The following GPR155 variants were observed in gnomAD, a reference collection of about 807,000 sequenced individuals.
GPR155 encodes G protein-coupled receptor 155, also known as lysosomal cholesterol signaling protein.
GPR155 carries 65 observed loss-of-function variants against 93.1 expected under a neutral mutation model. The ratio of observed to expected loss-of-function variants is 0.70; its 90% CI spans 0.57 to 0.86. The LOEUF (loss-of-function observed/expected upper bound fraction) is 0.86. Among genes scored for constraint, GPR155 ranks in the 40% least tolerant of loss-of-function variants. The pLI is 0.00. For missense variants in GPR155, 838 were observed against 1,034.8 expected (o/e 0.81, Z 2.61); for synonymous variants, 319 against 360.1 (o/e 0.89, Z 1.29).
At chr2:174,486,277 C>T (rs554048402) in intron 1 of GPR155, among the ~76,000 whole-genome samples, 2 of 152,254 alleles carry the variant, frequency 1.3e-5, no homozygotes, top group South Asian at 4.1e-4. Flanking sequence ...CTGTGGCCCT[C>T]CAAGATAAGG....
At chr2:174,438,842 A>T (rs1048104481) in intron 15 of GPR155, among the ~76,000 whole-genome samples, 1 of 152,234 alleles carries the variant, frequency 6.6e-6, no homozygotes, top group Non-Finnish European at 1.5e-5. Context: ...AACTATTCAT[A>T]GATGGCACTT....
chr2:174,439,696 T>C (rs548826271), intron 15 of GPR155, among the ~76,000 whole-genome samples: 10 of 152,310 alleles, frequency 6.6e-5, no homozygotes, highest in African/African-American at 2.4e-4. Context: ...TTTTAAAATA[T>C]TAAAATCAAC....
chr2:174,485,092 C>T (rs777998785), intron 1 of GPR155, among the ~76,000 whole-genome samples: 2 of 151,992 alleles, frequency 1.3e-5, no homozygotes, highest in Non-Finnish European at 2.9e-5. Flanking sequence ...GATCCACCAA[C>T]TAAAAAAAGA....
At chr2:174,466,770 G>T in intron 5 of GPR155, 143 bp from the exon 6 acceptor site, 1 of 556,376 alleles carries the variant, frequency 1.8e-6, no homozygotes. Flanking sequence ...AATCTGTCTA[G>T]TTCCAAAAAG....
rs1159185104 is a variant in GPR155 at position 174,465,777 on chromosome 2, C to T, written c.1384+8G>A. On this transcript the variant is annotated splice_region_variant and intron_variant, in intron 7 of 15. Coordinates refer to ENST00000392552, the MANE Select transcript of GPR155 (RefSeq NM_152529.7). ...CAGATCTCAATTTCCATTCATAATC[C>T]AACTCACCTGTCCACAGGTAGGTGC... 2 of 1,318,622 alleles carry T rather than the reference C, an allele frequency of 1.5e-6. No homozygotes were observed. The highest frequency in any genetic ancestry group is 3.5e-5 in the Admixed American group (2 of 57,926). The allele number at this position is 1,318,622 out of a possible 1,614,324, so 81.7% of individuals were successfully genotyped here. A position where few individuals can be genotyped will look rare whatever the true frequency, so the allele number is the denominator to read the frequency against.
chr2:174,448,056 T>C lies in GPR155; in HGVS notation c.1877-1309A>G, dbSNP rs1687191897. Among the ~76,000 whole-genome samples, 4 of 152,054 alleles carry C rather than the reference T, an allele frequency of 2.6e-5. No individual in the cohort carries two copies. In the South Asian group the frequency reaches 8.3e-4, roughly 31 times the overall value. ...CCCTGCCTTTCACCATATACAAAAA[T>C]TAACTCAAGATGGACTAAGATTTAA... On this transcript the variant is annotated intron_variant, in intron 11 of 15. Transcript: ENST00000392552.
At position 174,460,152 on chromosome 2, in the gene GPR155, A is replaced by C. The variant is rs867367942; in HGVS notation, c.1561-64T>G. On this transcript the variant is annotated intron_variant, in intron 9 of 15. Transcript: ENST00000392552. ...AACTTCATCTTGATAATCTTAGGGC[A>C]CATTTTTTTTTTTTTTTTTTTTTTT... 2.5e-3 allele frequency: 2,047 copies of C among 816,136 alleles called. 41 individuals are homozygous for C. The African/African-American group carries it at 0.037, about 15-fold the overall frequency. The allele number at this position is 816,136 out of a possible 1,614,324, so 50.6% of individuals were successfully genotyped here. A position where few individuals can be genotyped will look rare whatever the true frequency, so the allele number is the denominator to read the frequency against.
intron 10 of GPR155, among the ~76,000 whole-genome samples, chr2:174,457,471 T>G (rs766201284): frequency 4.6e-5 from 7 of 152,214 alleles, no homozygotes; most frequent in Admixed American, 2.0e-4. Flanking sequence ...CTTAGACTTT[T>G]TTTGAGACAG....
chr2:174,439,203 C>G (rs1417072330), intron 15 of GPR155, among the ~76,000 whole-genome samples: 1 of 151,958 alleles, frequency 6.6e-6, no homozygotes, highest in Non-Finnish European at 1.5e-5. Context: ...TCATACATTT[C>G]ATATTTTCAG....
intron 11 of GPR155, among the ~76,000 whole-genome samples, chr2:174,449,697 C>T (rs1303421567): frequency 2.0e-5 from 3 of 152,046 alleles, no homozygotes; most frequent in South Asian, 2.1e-4. Context: ...TAAACAAGTC[C>T]GGATGCGGTG....
chr2:174,446,271 C>T (rs1197285966), intron 12 of GPR155, among the ~76,000 whole-genome samples: 2 of 141,056 alleles, frequency 1.4e-5, no homozygotes, highest in Admixed American at 7.7e-5. Flanking sequence ...CATGCCACTT[C>T]ACTCCAGCCT....
chr2:174,453,908 T>C, intron 10 of GPR155, 67 bp from the exon 11 acceptor site: 1 of 1,104,280 alleles, frequency 9.1e-7, no homozygotes, highest in Non-Finnish European at 1.4e-6. Flanking sequence ...TTTTAAGAAA[T>C]GCCAAAGAAA....
intron 2 of GPR155, among the ~76,000 whole-genome samples, chr2:174,475,077 C>T (rs1574734973): frequency 6.6e-6 from 1 of 151,278 alleles, no homozygotes; most frequent in East Asian, 1.9e-4. Flanking sequence ...GGGCGGATCA[C>T]GAGGTCAGGA....
chr2:174,485,016 T>C (rs191697843), intron 1 of GPR155, among the ~76,000 whole-genome samples: 58 of 152,338 alleles, frequency 3.8e-4, no homozygotes, highest in African/African-American at 1.4e-3. Flanking sequence ...TATTAGGAAC[T>C]GTTGTCTTAC....
intron 3 of GPR155, among the ~76,000 whole-genome samples, chr2:174,471,016 G>GAA (rs560413466): frequency 7.9e-5 from 8 of 100,750 alleles, no homozygotes; most frequent in South Asian, 3.4e-4. Flanking sequence ...CTCCTGTTTT[G>GAA]AAAAAAAAAA....
rs1411804301 is a variant in GPR155, at chr2:174,435,673, CA to C, written c.*442del. 6.5e-6 allele frequency: 1 copy of C among 153,318 alleles called. No homozygotes were observed. The highest frequency in any genetic ancestry group is 1.5e-5 in the Non-Finnish European group (1 of 68,930). 9.5% of individuals were successfully genotyped at this position (153,318 alleles called of 1,614,324 possible). A position where few individuals can be genotyped will look rare whatever the true frequency, so the allele number is the denominator to read the frequency against. On this transcript the variant is annotated 3_prime_UTR_variant, in exon 16 of 16. Coordinates refer to ENST00000392552, the MANE Select transcript of GPR155 (RefSeq NM_152529.7). ...TTTTATAGTAGAGACGGGGTTTCGC[CA>C]TGTTGGCCAGGCTGGTCTTGAACTC...
At chr2:174,462,856 A>G (rs1007615125) in intron 7 of GPR155, among the ~76,000 whole-genome samples, 5 of 152,226 alleles carry the variant, frequency 3.3e-5, no homozygotes, top group Non-Finnish European at 7.3e-5. Context: ...AATAAATTCT[A>G]CATAGTTATA....
intron 9 of GPR155, among the ~76,000 whole-genome samples, chr2:174,460,356 G>C (rs1687653995): frequency 6.6e-6 from 1 of 151,564 alleles, no homozygotes; most frequent in African/African-American, 2.4e-5. Flanking sequence ...TAGAGACAGG[G>C]TTTCACCGTG....
intron 2 of GPR155, among the ~76,000 whole-genome samples, chr2:174,479,533 TA>T (rs1688261246): frequency 6.6e-6 from 1 of 152,160 alleles, no homozygotes; most frequent in South Asian, 2.1e-4. Flanking sequence ...AAAATGAGGA[TA>T]AAAATATCTG....
Sources: gnomAD v4.1 joint callset for allele counts (sites outside exome capture counted in the v4.1 genomes callset) on GRCh38, gnomAD v4.1.1 for gene constraint, MANE v1.5 for transcripts, NCBI Gene and HGNC (gene_info 2026-07-23, HGNC 2026-07-21) for gene names.